The following TENM3 variants were observed in gnomAD, a reference collection of about 807,000 sequenced individuals.
TENM3 encodes teneurin transmembrane protein 3.
TENM3 carries 63 observed loss-of-function variants against 255.1 expected under a neutral mutation model. The observed-to-expected ratio is 0.25, with a 90% CI of 0.20 to 0.30. TENM3 has a LOEUF of 0.30. Ranked by LOEUF, TENM3 falls within the 10% of genes least tolerant of loss-of-function variation. The pLI is 1.00. For synonymous variants in TENM3, 1,306 were observed against 1,322.3 expected, an observed-to-expected ratio of 0.99 and a Z score of 0.27; for missense variants, 2,929 against 3,461.1, an observed-to-expected ratio of 0.85 and a Z score of 3.86.
At chr4:181,629,540 C>T in the TENM3 span, among the ~76,000 whole-genome samples, 4,323 of 152,242 alleles carry the variant, frequency 0.028, 207 homozygotes, top group African/African-American at 0.099. Context: ...GAGTTTTTAG[C>T]ATGAAGGGCT....
the TENM3 span, among the ~76,000 whole-genome samples, chr4:181,984,812 G>C: frequency 4.0e-5 from 6 of 151,270 alleles, no homozygotes; most frequent in Admixed American, 2.7e-4. Context: ...GTGTGTGTGT[G>C]TGTGTGTGTG....
At chr4:182,085,922 A>C in the TENM3 span, among the ~76,000 whole-genome samples, 1 of 152,188 alleles carries the variant, frequency 6.6e-6, no homozygotes, top group South Asian at 2.1e-4. Flanking sequence ...GAATCTTGAA[A>C]ATCATCCACC....
At chr4:182,542,387 G>A (rs1405933712) in intron 3 of TENM3, among the ~76,000 whole-genome samples, 2 of 152,074 alleles carry the variant, frequency 1.3e-5, no homozygotes, top group Admixed American at 1.3e-4. Flanking sequence ...TCCTCTGCTT[G>A]AGGTTTTCAG....
At chr4:182,122,666 A>T in the TENM3 span, among the ~76,000 whole-genome samples, 1 of 152,194 alleles carries the variant, frequency 6.6e-6, no homozygotes, top group Non-Finnish European at 1.5e-5. Context: ...ACACAGGCAG[A>T]GTAAATTTAG....
the TENM3 span, among the ~76,000 whole-genome samples, chr4:181,849,677 G>A: frequency 6.6e-6 from 1 of 152,246 alleles, no homozygotes; most frequent in Admixed American, 6.5e-5. Flanking sequence ...GATGTATGTT[G>A]AGTTTCCCCC....
chr4:182,580,334 ACT>A (rs144934920), intron 3 of TENM3, among the ~76,000 whole-genome samples: 15,766 of 151,882 alleles, frequency 0.1, 1,028 homozygotes, highest in Non-Finnish European at 0.14. Flanking sequence ...AGAGGGGGGC[ACT>A]CTCCTAAATT....
the TENM3 span, among the ~76,000 whole-genome samples, chr4:181,775,249 C>A: frequency 6.6e-6 from 1 of 152,134 alleles, no homozygotes; most frequent in Non-Finnish European, 1.5e-5. Context: ...CTCCTCTGGT[C>A]TCTTCTCCAC....
intron 8 of TENM3, 59 bp from the exon 9 acceptor site, chr4:182,680,188 GT>G (rs1211206481): frequency 1.7e-6 from 2 of 1,194,810 alleles, no homozygotes; most frequent in Non-Finnish European, 2.5e-6. Flanking sequence ...AAGTGATACC[GT>G]TTATCTTTTG....
At chr4:181,843,197 C>T in the TENM3 span, among the ~76,000 whole-genome samples, 638 of 152,222 alleles carry the variant, frequency 4.2e-3, 3 homozygotes, top group Non-Finnish European at 5.5e-3. Context: ...ACAAAATGTT[C>T]AAATTCAAAC....
intron 1 of TENM3, among the ~76,000 whole-genome samples, chr4:182,230,832 A>G (rs1423725257): frequency 1.8e-5 from 2 of 109,470 alleles, no homozygotes; most frequent in Admixed American, 8.7e-5. Context: ...ATATATATAT[A>G]TATATATATA....
chr4:182,498,876 C>T lies in TENM3; in HGVS notation c.512-102048C>T, dbSNP rs1736059778. ...ATCTAAAAAAAAAAAAAATTCTCAG[C>T]GTCTTATTAAGAGTCAGTTTTAAAA... On this transcript the variant is annotated intron_variant, in intron 3 of 27. Transcript: ENST00000511685. Among the ~76,000 whole-genome samples, 5 of 151,758 alleles carry T rather than the reference C, an allele frequency of 3.3e-5. No individual in the cohort carries two copies. The South Asian group carries it at 8.3e-4, about 25-fold the overall frequency.
chr4:182,729,002 A>G lies in TENM3; in HGVS notation c.2406A>G (p.Leu802=), dbSNP rs1760463290. The G allele has an allele frequency of 6.2e-6, 10 of 1,613,946 alleles. No homozygotes were observed. Among genetic ancestry groups the G allele is most frequent in the Non-Finnish European group, 8.5e-6 (10 of 1,179,878 alleles). Residue 802 remains leucine, a synonymous_variant, in exon 14 of 28, where the codon CTA becomes CTG. Transcript: ENST00000511685. ...LIDCMDPDCC[L]QSSCQNQPYC... is the part of the protein sequence containing the mutation. ...ACTGCATGGATCCCGATTGCTGCCT[A>G]CAGAGTTCCTGCCAGAATCAGCCCT... is the stretch of plus-strand genomic sequence containing the variant.
At chr4:181,867,033 A>G in the TENM3 span, among the ~76,000 whole-genome samples, 2 of 152,110 alleles carry the variant, frequency 1.3e-5, no homozygotes, top group Non-Finnish European at 2.9e-5. Flanking sequence ...AGATCCCCCA[A>G]TAAACCTCTG....
At chr4:182,546,276 T>C (rs1253479992) in intron 3 of TENM3, among the ~76,000 whole-genome samples, 1 of 152,208 alleles carries the variant, frequency 6.6e-6, no homozygotes, top group African/African-American at 2.4e-5. Flanking sequence ...AGCTGTATTA[T>C]TACTTTGTTA....
chr4:181,974,691 G>A, the TENM3 span, among the ~76,000 whole-genome samples: 1 of 152,202 alleles, frequency 6.6e-6, no homozygotes, highest in Admixed American at 6.5e-5. Flanking sequence ...CTATGTAAAG[G>A]CTTTGGCTTT....
At chr4:182,422,659 A>G (rs1770925140) in intron 3 of TENM3, among the ~76,000 whole-genome samples, 1 of 152,216 alleles carries the variant, frequency 6.6e-6, no homozygotes, top group Non-Finnish European at 1.5e-5. Context: ...TTGTCATTCA[A>G]TTTCACTGCA....
At chr4:181,453,062 A>G in the TENM3 span, among the ~76,000 whole-genome samples, 2 of 152,216 alleles carry the variant, frequency 1.3e-5, no homozygotes, top group Non-Finnish European at 2.9e-5. Flanking sequence ...GTGCTGAAAG[A>G]CTTTCTCCAG....
chr4:182,051,724 G>A, the TENM3 span, among the ~76,000 whole-genome samples: 1 of 152,104 alleles, frequency 6.6e-6, no homozygotes, highest in African/African-American at 2.4e-5. Context: ...CTACTTTGGA[G>A]GAACAAATGT....
intron 3 of TENM3, among the ~76,000 whole-genome samples, chr4:182,565,423 T>G (rs1488607549): frequency 6.6e-6 from 1 of 152,224 alleles, no homozygotes; most frequent in East Asian, 1.9e-4. Flanking sequence ...TTGTCAAGTT[T>G]CTTATAATTA....
Sources: allele counts gnomAD v4.1 joint callset (sites outside exome capture counted in the v4.1 genomes callset), GRCh38; gene constraint gnomAD v4.1.1; transcripts MANE v1.5; gene names NCBI Gene and HGNC (gene_info 2026-07-23, HGNC 2026-07-21).